GUF1: variants seen among roughly 807,000 people sequenced by gnomAD.
The protein encoded by GUF1 is translation factor GUF1, mitochondrial.
A neutral mutation model predicts 82.4 loss-of-function variants in GUF1; 78 were observed. The ratio of observed to expected loss-of-function variants is 0.95; its 90% CI spans 0.79 to 1.14. The LOEUF is 1.14. Among genes scored for constraint, GUF1 ranks in the 50% most tolerant of loss-of-function variants. The pLI is 0.00. For synonymous variants in GUF1, 279 were observed against 282.3 expected, an observed-to-expected ratio of 0.99 and a Z score of 0.12; for missense variants, 814 against 798.2, an observed-to-expected ratio of 1.02 and a Z score of -0.24.
At position 44,680,565 on chromosome 4, in the gene GUF1, T is replaced by C. The variant is rs755109697; in HGVS notation, c.277+13T>C. On this transcript the variant is annotated intron_variant, in intron 2 of 16. Transcript: ENST00000281543. The stretch of plus-strand genomic sequence containing the variant: ...CTAGAACTTACAGGTATTTCATTTA[T>C]GTTACATACTTAACTGATGGCTGCG... 3.7e-5 allele frequency: 57 copies of C among 1,548,492 alleles called. No individual in the cohort carries two copies. The highest frequency in any genetic ancestry group is 5.5e-5 in the African/African-American group (4 of 73,170).
At chr4:44,686,422 T>C in intron 7 of GUF1, 88 bp from the exon 8 acceptor site, 1 of 767,758 alleles carries the variant, frequency 1.3e-6, no homozygotes, top group South Asian at 2.8e-5. Flanking sequence ...TCTCAAGAAC[T>C]CAAGTACAAT....
intron 14 of GUF1, among the ~76,000 whole-genome samples, chr4:44,695,275 G>A (rs963379592): frequency 5.3e-5 from 8 of 152,050 alleles, no homozygotes; most frequent in South Asian, 2.1e-4. Context: ...AGAATATATC[G>A]TAAACACTGA....
Position 44,678,752 on chromosome 4 carries a change from GC to G in GUF1, c.131del (p.Ala44ValfsTer41). 6.4e-7 allele frequency: 1 copy of G among 1,551,182 alleles called. No homozygotes were observed. The highest frequency in any genetic ancestry group is 1.2e-5 in the South Asian group (1 of 81,484). ...PTLGAAPESW[A>X]TDRLYSSAEF... ...CCTTGGGGCTGCTCCAGAGTCCTGG[GC>G]TACCGACAGGCTCTACAGCTCCGCA... On this transcript the variant is annotated frameshift_variant, in exon 1 of 17. Transcript: ENST00000281543. LOFTEE classifies it high-confidence loss of function.
chr4:44,698,397 T>C (rs937802137), intron 16 of GUF1, 147 bp from the exon 17 acceptor site: 2 of 570,048 alleles, frequency 3.5e-6, no homozygotes, highest in African/African-American at 3.9e-5. Context: ...GACAGTAAAA[T>C]TAGATCTGCT....
chr4:44,687,088 A>G (rs1440217915), intron 8 of GUF1, among the ~76,000 whole-genome samples: 1 of 151,988 alleles, frequency 6.6e-6, no homozygotes, highest in East Asian at 1.9e-4. Context: ...AGAAACCTTA[A>G]TAAATCTTTA....
intron 13 of GUF1, among the ~76,000 whole-genome samples, chr4:44,693,313 A>G (rs1014995435): frequency 2.0e-5 from 3 of 152,088 alleles, no homozygotes; most frequent in Admixed American, 6.5e-5. Flanking sequence ...CACAATTTTT[A>G]TAATGATTTC....
At position 44,691,793 on chromosome 4, in the gene GUF1, A is replaced by G. The variant is rs755875965; in HGVS notation, c.1607A>G (p.Tyr536Cys). 1 of 1,579,668 alleles carries G rather than the reference A, an allele frequency of 6.3e-7. No homozygotes were observed. Among genetic ancestry groups the G allele is most frequent in the Non-Finnish European group, 8.6e-7 (1 of 1,166,634 alleles). ...TCTTTGAAATCCCTATCTTCTGGAT[A>G]TGCTAGGTAAAAAAATAATGAGAAC... is the stretch of plus-strand genomic sequence containing the variant. The part of the protein sequence containing the change: ...YDSLKSLSSG[Y>C]ASFDYEDAGY... The change falls in exon 13 of 17, where the codon TAT (tyrosine) becomes TGT (cysteine). Residue 536 changes from tyrosine (Y) to cysteine (C), a missense_variant. By Grantham distance (194) the Tyr-to-Cys change is radical (BLOSUM62 -2). Coordinates refer to ENST00000281543, the MANE Select transcript of GUF1 (RefSeq NM_021927.3).
At chr4:44,689,149 A>G (rs978771481) in intron 9 of GUF1, 137 bp from the exon 10 acceptor site, 5 of 697,724 alleles carry the variant, frequency 7.2e-6, no homozygotes, top group Middle Eastern at 4.4e-4. Flanking sequence ...TAGCAAACCA[A>G]TATTTTGGTC....
At chr4:44,682,461 A>T in intron 5 of GUF1, 50 bp downstream of exon 5, 1 of 961,066 alleles carries the variant, frequency 1.0e-6, no homozygotes, top group Non-Finnish European at 1.5e-6. Context: ...TAAAAGTACA[A>T]TTAATGTTTA....
At chr4:44,689,737 G>T in intron 10 of GUF1, 106 bp from the exon 11 acceptor site, 2 of 892,016 alleles carry the variant, frequency 2.2e-6, no homozygotes, top group African/African-American at 1.7e-5. Context: ...TTGTTTGAAT[G>T]ACTTAATTCC....
intron 16 of GUF1, 44 bp downstream of exon 16, chr4:44,697,488 GC>G: frequency 9.1e-7 from 1 of 1,097,842 alleles, no homozygotes; most frequent in Non-Finnish European, 1.3e-6. Context: ...ACTTTTATGG[GC>G]TTTAAATCAA....
At chr4:44,687,881 T>G in intron 8 of GUF1, 126 bp from the exon 9 acceptor site, 1 of 768,002 alleles carries the variant, frequency 1.3e-6, no homozygotes, top group Non-Finnish European at 2.1e-6. Flanking sequence ...TATGTAGCAC[T>G]TATTTTCAAA....
At position 44,700,898 on chromosome 4, in the gene GUF1, C is replaced by G. The variant is rs1203276694; in HGVS notation, c.*2217C>G. 3 of 152,076 alleles carry G rather than the reference C, an allele frequency of 2.0e-5. No individual in the cohort carries two copies. The highest frequency in any genetic ancestry group is 7.2e-5 in the African/African-American group (3 of 41,406). The allele number at this position is 152,076 out of a possible 1,614,324, so 9.4% of individuals were successfully genotyped here. A position where few individuals can be genotyped will look rare whatever the true frequency, so the allele number is the denominator to read the frequency against. On this transcript the variant is annotated 3_prime_UTR_variant, in exon 17 of 17. Transcript: ENST00000281543. ...CATGACAGTAGTATTTTGAAAATGACAGTATTTGAAATTAAAAAATTGTAA... is the reference window on the plus strand; with the variant it reads ...CATGACAGTAGTATTTTGAAAATGAGAGTATTTGAAATTAAAAAATTGTAA...
chr4:44,682,483 T>A, intron 5 of GUF1, 72 bp downstream of exon 5: 1 of 764,912 alleles, frequency 1.3e-6, no homozygotes, highest in Non-Finnish European at 2.0e-6. Flanking sequence ...ATGTCAGTTG[T>A]ACTATTCATT....
rs181081807 is a variant in GUF1, at chr4:44,692,489, T to C, written c.1613+690T>C. Among the ~76,000 whole-genome samples the C allele has an allele frequency of 3.3e-5, 5 of 151,972 alleles. No individual in the cohort carries two copies. In the East Asian group the frequency reaches 9.7e-4, roughly 29 times the overall value. On this transcript the variant is annotated intron_variant, in intron 13 of 16. Coordinates refer to ENST00000281543, the MANE Select transcript of GUF1 (RefSeq NM_021927.3). Reference sequence around the variant, plus strand: ...AAATCTTATGTTACGGGATAGTATATATAGAAAACAGATGTGAAACATGGG... The same window carrying C: ...AAATCTTATGTTACGGGATAGTATACATAGAAAACAGATGTGAAACATGGG...
intron 14 of GUF1, among the ~76,000 whole-genome samples, chr4:44,695,376 A>G (rs1715740161): frequency 6.6e-6 from 1 of 152,256 alleles, no homozygotes; most frequent in Admixed American, 6.5e-5. Context: ...GGGTAAGGAA[A>G]GAGAATCAAG....
chr4:44,697,742 T>C (rs1315866785), intron 16 of GUF1, among the ~76,000 whole-genome samples: 1 of 152,208 alleles, frequency 6.6e-6, no homozygotes. Flanking sequence ...TAACATGTTT[T>C]CTTGATCTAA....
chr4:44,688,699 C>T (rs541874163), intron 9 of GUF1, among the ~76,000 whole-genome samples: 1 of 152,016 alleles, frequency 6.6e-6, no homozygotes, highest in South Asian at 2.1e-4. Context: ...GTCTCTCTCA[C>T]TGGGAATTAG....
chr4:44,688,454 C>T lies in GUF1; in HGVS notation c.1078+308C>T, dbSNP rs566201392. 2.1e-3 allele frequency among the ~76,000 whole-genome samples: 323 copies of T among 151,922 alleles called. 5 individuals are homozygous for T. Among genetic ancestry groups the T allele is most frequent in the Non-Finnish European group, 1.5e-4 (10 of 67,846 alleles). The stretch of plus-strand genomic sequence containing the variant: ...TCATTATTATATTTGAAACATTTTT[C>T]TAATTAGGATGTTCTTATTAGTAAT... On this transcript the variant is annotated intron_variant, in intron 9 of 16. Coordinates refer to ENST00000281543, the MANE Select transcript of GUF1 (RefSeq NM_021927.3).
Sources: allele counts gnomAD v4.1 joint callset (sites outside exome capture counted in the v4.1 genomes callset), GRCh38; gene constraint gnomAD v4.1.1; transcripts MANE v1.5; gene names NCBI Gene and HGNC (gene_info 2026-07-23, HGNC 2026-07-21).